The following ADAM19 variants were observed in gnomAD, a reference collection of about 807,000 sequenced individuals.
ADAM19 encodes ADAM metallopeptidase domain 19, also known as disintegrin and metalloproteinase domain-containing protein 19.
In ADAM19, 65 loss-of-function variants were observed where a neutral mutation model predicts 114.7. The ratio of observed to expected loss-of-function variants is 0.57; its 90% CI spans 0.46 to 0.70. ADAM19 has a LOEUF of 0.70. Among genes scored for constraint, ADAM19 ranks in the 30% least tolerant of loss-of-function variants. The pLI, the probability that ADAM19 is intolerant of heterozygous loss-of-function variation, is 0.00. For missense variants in ADAM19, 1,063 were observed against 1,204.7 expected, an observed-to-expected ratio of 0.88 and a Z score of 1.74; for synonymous variants, 466 against 460.5, an observed-to-expected ratio of 1.01 and a Z score of -0.15.
At position 157,565,103 on chromosome 5, in the gene ADAM19, A is replaced by G. The variant is rs150016763; in HGVS notation, c.181-660T>C. ...TAAGGTTTTATAGGCCAAAAAGTAGATACATTTTACACATAAGCAGTTTGG... is the reference window on the plus strand; with the variant it reads ...TAAGGTTTTATAGGCCAAAAAGTAGGTACATTTTACACATAAGCAGTTTGG... On this transcript the variant is annotated intron_variant, in intron 2 of 22. Coordinates refer to ENST00000257527, the MANE Select transcript of ADAM19 (RefSeq NM_033274.5). 3.3e-5 allele frequency among the ~76,000 whole-genome samples: 5 copies of G among 152,336 alleles called. No homozygotes were observed. The South Asian group carries it at 6.2e-4, about 19-fold the overall frequency.
chr5:157,491,079 G>T (rs566525815), intron 18 of ADAM19, among the ~76,000 whole-genome samples: 4 of 151,796 alleles, frequency 2.6e-5, no homozygotes, highest in African/African-American at 9.7e-5. Flanking sequence ...TTTACATATT[G>T]GGGTTTCTTC....
chr5:157,494,874 T>C (rs1252110915), intron 14 of ADAM19, 79 bp from the exon 15 acceptor site: 1 of 1,160,754 alleles, frequency 8.6e-7, no homozygotes, highest in Non-Finnish European at 1.3e-6. Context: ...GGTAAAGTCA[T>C]GAAGGTAAGA....
At chr5:157,533,330 G>A (rs1209726069) in intron 4 of ADAM19, among the ~76,000 whole-genome samples, 2 of 152,228 alleles carry the variant, frequency 1.3e-5, no homozygotes, top group African/African-American at 4.8e-5. Flanking sequence ...CTTGAGAGGA[G>A]CACAAAGGAA....
At chr5:157,554,393 C>T (rs941330005) in intron 3 of ADAM19, among the ~76,000 whole-genome samples, 1 of 152,240 alleles carries the variant, frequency 6.6e-6, no homozygotes, top group Non-Finnish European at 1.5e-5. Context: ...GCACAGGCAG[C>T]CCTGGCTGCG....
intron 1 of ADAM19, among the ~76,000 whole-genome samples, chr5:157,571,676 C>T (rs7718217): frequency 0.2 from 31,122 of 151,952 alleles, 4,546 homozygotes; most frequent in African/African-American, 0.41. Flanking sequence ...TGAGGCAGAG[C>T]GGCGAGAGTG....
intron 3 of ADAM19, among the ~76,000 whole-genome samples, chr5:157,561,628 T>C (rs1455790853): frequency 6.6e-6 from 1 of 152,022 alleles, no homozygotes; most frequent in Non-Finnish European, 1.5e-5. Flanking sequence ...CAGCTACCCA[T>C]ATGGCTCACT....
At chr5:157,573,275 A>G (rs1003558337) in intron 1 of ADAM19, among the ~76,000 whole-genome samples, 15 of 152,230 alleles carry the variant, frequency 9.9e-5, no homozygotes, top group African/African-American at 3.4e-4. Flanking sequence ...TGTCTTCTCA[A>G]TGTTGTATCA....
At chr5:157,489,250 GT>G (rs1755066199) in intron 19 of ADAM19, 64 bp from the exon 20 acceptor site, 1 of 1,240,686 alleles carries the variant, frequency 8.1e-7, no homozygotes, top group Non-Finnish European at 1.2e-6. Context: ...CAGTGCCTGA[GT>G]TCCCTTTGAC....
chr5:157,537,595 C>T (rs1756800810), intron 4 of ADAM19, among the ~76,000 whole-genome samples: 1 of 152,150 alleles, frequency 6.6e-6, no homozygotes, highest in African/African-American at 2.4e-5. Context: ...ACTCCTTTTA[C>T]TAAAACTTTT....
chr5:157,482,999 T>C (rs943047883), intron 21 of ADAM19, among the ~76,000 whole-genome samples: 1 of 151,752 alleles, frequency 6.6e-6, no homozygotes, highest in East Asian at 1.9e-4. Flanking sequence ...AAGTGGGAGA[T>C]GAACATGAAA....
At chr5:157,567,112 C>G (rs895247260) in intron 2 of ADAM19, among the ~76,000 whole-genome samples, 45 of 152,272 alleles carry the variant, frequency 3.0e-4, no homozygotes, top group African/African-American at 1.1e-3. Flanking sequence ...GGTTAGAAGC[C>G]TACCTCGTCT....
At chr5:157,493,832 TTAACTG>T (rs1755257880) in intron 15 of ADAM19, among the ~76,000 whole-genome samples, 1 of 152,248 alleles carries the variant, frequency 6.6e-6, no homozygotes, top group Non-Finnish European at 1.5e-5. Context: ...ACATTATACT[TTAACTG>T]TATCAAACTG....
chr5:157,479,131 A>G lies in ADAM19; in HGVS notation c.*1818T>C. The G allele has an allele frequency of 1.0e-6, 1 of 985,968 alleles. No individual in the cohort carries two copies. Among genetic ancestry groups the G allele is most frequent in the African/African-American group, 1.7e-5 (1 of 57,354 alleles). 61.1% of individuals were successfully genotyped at this position (985,968 alleles called of 1,614,324 possible). On this transcript the variant is annotated 3_prime_UTR_variant, in exon 23 of 23. Coordinates refer to ENST00000257527, the MANE Select transcript of ADAM19 (RefSeq NM_033274.5). ...ACAGCAAGGATGACCCACAGCAAGGATGACCCACGGCAAGGACATGGGGAA... is the reference window on the plus strand; with the variant it reads ...ACAGCAAGGATGACCCACAGCAAGGGTGACCCACGGCAAGGACATGGGGAA...
intron 22 of ADAM19, chr5:157,481,385 G>A (rs923371917): frequency 5.1e-6 from 3 of 592,304 alleles, no homozygotes; most frequent in Non-Finnish European, 8.9e-6. Context: ...GTACGAGGAG[G>A]GGCCAAGTGT....
intron 5 of ADAM19, among the ~76,000 whole-genome samples, chr5:157,521,958 A>G (rs1179875940): frequency 6.6e-6 from 1 of 152,222 alleles, no homozygotes; most frequent in Non-Finnish European, 1.5e-5. Context: ...CAGTGAGTGG[A>G]AAGTTCCATA....
intron 2 of ADAM19, chr5:157,570,666 T>G: frequency 2.2e-6 from 1 of 459,558 alleles, no homozygotes; most frequent in Non-Finnish European, 3.9e-6. Flanking sequence ...TGTGTCAGCA[T>G]TAATGTGAAT....
At chr5:157,563,460 A>G (rs1428341305) in intron 3 of ADAM19, among the ~76,000 whole-genome samples, 1 of 152,188 alleles carries the variant, frequency 6.6e-6, no homozygotes, top group Non-Finnish European at 1.5e-5. Context: ...ATCCTTTTGT[A>G]TACAGGAAGG....
intron 3 of ADAM19, among the ~76,000 whole-genome samples, chr5:157,538,348 A>C: frequency 6.6e-6 from 1 of 152,160 alleles, no homozygotes. Context: ...ACCGTGGTTG[A>C]TTTTTCCAGC....
At position 157,509,300 on chromosome 5, in the gene ADAM19, C is replaced by T. The variant is rs772395154; in HGVS notation, c.905+1G>A. ...ACAACATATGGAAAAAGGCTATTTA[C>T]GTGATTAATTGGGCGTTGTCATGGT... On this transcript the variant is annotated splice_donor_variant, in intron 9 of 22. Transcript: ENST00000257527. LOFTEE classifies it high-confidence loss of function. The T allele has an allele frequency of 1.9e-6, 3 of 1,605,274 alleles. No individual in the cohort carries two copies. Among genetic ancestry groups the T allele is most frequent in the Non-Finnish European group, 2.6e-6 (3 of 1,174,496 alleles).
Sources: gnomAD v4.1 joint callset for allele counts (sites outside exome capture counted in the v4.1 genomes callset) on GRCh38, gnomAD v4.1.1 for gene constraint, MANE v1.5 for transcripts, NCBI Gene and HGNC (gene_info 2026-07-23, HGNC 2026-07-21) for gene names.